The following NHSL1 variants were observed in gnomAD, a reference collection of about 807,000 sequenced individuals.
The protein encoded by NHSL1 is NHS like 1.
In NHSL1, 48 loss-of-function variants were observed where a neutral mutation model predicts 95.0. The observed-to-expected ratio is 0.51, with a 90% CI of 0.40 to 0.64. The LOEUF (loss-of-function observed/expected upper bound fraction) is 0.64, where lower values mean the gene tolerates loss of function less well. Among genes scored for constraint, NHSL1 ranks in the 30% least tolerant of loss-of-function variants. NHSL1 has a pLI of 0.00. For missense variants in NHSL1, 1,971 were observed against 2,077.7 expected (o/e 0.95, Z 1.00); for synonymous variants, 783 against 833.9 (o/e 0.94, Z 1.05).
chr6:138,447,432 A>C (rs1776935443), intron 3 of NHSL1, among the ~76,000 whole-genome samples: 1 of 152,128 alleles, frequency 6.6e-6, no homozygotes, highest in African/African-American at 2.4e-5. Context: ...GCTGACCCAC[A>C]AAATCTTTGA....
At chr6:138,441,927 G>T (rs989665324) in intron 5 of NHSL1, 56 bp downstream of exon 5, 2 of 1,474,298 alleles carry the variant, frequency 1.4e-6, no homozygotes, top group Non-Finnish European at 9.1e-7. Flanking sequence ...TGAGGTTAGC[G>T]CAGTAAGGCC....
chr6:138,540,317 T>C (rs1484323183), intron 1 of NHSL1, among the ~76,000 whole-genome samples: 1 of 152,238 alleles, frequency 6.6e-6, no homozygotes, highest in Non-Finnish European at 1.5e-5. Flanking sequence ...AGGGTTGCTT[T>C]GCATTTTGAT....
At chr6:138,503,916 A>T (rs1780820977), upstream of NHSL1, among the ~76,000 whole-genome samples, 1 of 152,090 alleles carries the variant, frequency 6.6e-6, no homozygotes, top group African/African-American at 2.4e-5. Context: ...CAGACAGGTA[A>T]ATTTAATCCC....
intron 1 of NHSL1, among the ~76,000 whole-genome samples, chr6:138,600,952 A>C (rs1784362820): frequency 6.6e-6 from 1 of 152,244 alleles, no homozygotes; most frequent in South Asian, 2.1e-4. Flanking sequence ...CTGCATTTCT[A>C]AATCATGTGT....
rs76159404 is a variant in NHSL1 at position 138,646,012 on chromosome 6, G to T, written c.96+46464C>A. 2.2e-3 allele frequency among the ~76,000 whole-genome samples: 342 copies of T among 152,268 alleles called. 1 individual carries two copies. The highest frequency in any genetic ancestry group is 7.6e-3 in the African/African-American group (317 of 41,562). The stretch of plus-strand genomic sequence containing the variant: ...GCCAACATTTCTTTATACTCTTTCA[G>T]GTGGGAGAAAAACTTAAATACAAGC... On this transcript the variant is annotated intron_variant, in intron 1 of 3. Transcript: ENST00000491526.
chr6:138,432,048 T>C lies in NHSL1; in HGVS notation c.2297A>G (p.Gln766Arg). Residue 766 changes from glutamine to arginine, a missense_variant, in exon 6 of 8, where the codon CAG (glutamine) becomes CGG (arginine). Gln to Arg is a conservative substitution (Grantham distance 43). This residue lies in a region of NHSL1 where 1,602 missense variants were observed against 1,654.5 expected (regional missense o/e 0.97). Transcript: ENST00000343505. This position sits in a 1 kb window ranked among gnomAD's most constrained non-coding sequence, Gnocchi z 4.4. The part of the protein sequence containing the change: ...VYSLCGATPS[Q>R]SDTSSVKSEY... Reference sequence around the variant, plus strand: ...TGACTTGACGCTGCTTGTGTCACTCTGCGATGGCGTGGCCCCGCACAGGGA... The same window carrying C: ...TGACTTGACGCTGCTTGTGTCACTCCGCGATGGCGTGGCCCCGCACAGGGA... 6.4e-7 allele frequency: 1 copy of C among 1,551,736 alleles called. No homozygotes were observed. Among genetic ancestry groups the C allele is most frequent in the Non-Finnish European group, 8.7e-7 (1 of 1,146,988 alleles).
intron 1 of NHSL1, among the ~76,000 whole-genome samples, chr6:138,660,035 T>C (rs1785207101): frequency 1.3e-5 from 2 of 152,182 alleles, no homozygotes; most frequent in Admixed American, 1.3e-4. Context: ...ACATCTTTTC[T>C]AAAACACCTG....
At chr6:138,578,248 G>A (rs770786666) in intron 1 of NHSL1, among the ~76,000 whole-genome samples, 7 of 152,164 alleles carry the variant, frequency 4.6e-5, no homozygotes, top group Non-Finnish European at 8.8e-5. Context: ...TGAAAAGGGC[G>A]AACAGATCTG....
chr6:138,504,272 C>G (rs983124557), upstream of NHSL1, among the ~76,000 whole-genome samples: 1 of 152,014 alleles, frequency 6.6e-6, no homozygotes, highest in African/African-American at 2.4e-5. Flanking sequence ...AGAGAGAGAA[C>G]GTATTCGCTG....
chr6:138,494,423 T>C (rs1486994085), intron 2 of NHSL1, among the ~76,000 whole-genome samples: 1 of 152,226 alleles, frequency 6.6e-6, no homozygotes, highest in Non-Finnish European at 1.5e-5. Flanking sequence ...GGAAAGTTTC[T>C]AATCATTGTG....
chr6:138,563,010 A>G (rs1227372801), intron 1 of NHSL1, among the ~76,000 whole-genome samples: 1 of 152,206 alleles, frequency 6.6e-6, no homozygotes, highest in Non-Finnish European at 1.5e-5. Context: ...TTAAACCAAA[A>G]GTTATTAAGT....
chr6:138,523,642 AAAAAAAAAAAC>A (rs1781781047), intron 1 of NHSL1, among the ~76,000 whole-genome samples: 1 of 150,758 alleles, frequency 6.6e-6, no homozygotes. Context: ...AAAAAAAAAA[AAAAAAAAAAAC>A]AGAGCTAAAA....
At chr6:138,497,127 T>C (rs1171985881) in intron 1 of NHSL1, among the ~76,000 whole-genome samples, 1 of 152,202 alleles carries the variant, frequency 6.6e-6, no homozygotes, top group Non-Finnish European at 1.5e-5. Flanking sequence ...GAGAGTAAGA[T>C]AAATCTCTAC....
At chr6:138,457,445 G>C (rs1335797644) in intron 3 of NHSL1, among the ~76,000 whole-genome samples, 1 of 152,094 alleles carries the variant, frequency 6.6e-6, no homozygotes, top group Non-Finnish European at 1.5e-5. Flanking sequence ...ATTAGCCAGA[G>C]TAAATAACCA....
chr6:138,680,159 T>C (rs1183608954), intron 1 of NHSL1, among the ~76,000 whole-genome samples: 2 of 152,232 alleles, frequency 1.3e-5, no homozygotes, highest in African/African-American at 4.8e-5. Context: ...TCAATGATTA[T>C]GTGTCTGAGT....
chr6:138,613,254 G>A (rs901262443), intron 1 of NHSL1, among the ~76,000 whole-genome samples: 5 of 152,174 alleles, frequency 3.3e-5, no homozygotes, highest in African/African-American at 1.2e-4. Flanking sequence ...TCTTGAGAAA[G>A]TTTTCACGGT....
In NHSL1 at chr6:138,479,465, C is replaced by A. The variant is rs376043601; in HGVS notation, c.212-6032G>T. On this transcript the variant is annotated intron_variant, in intron 2 of 7. Transcript: ENST00000343505. ...ACAGGCAATCTGATAACCAAGCTGG[C>A]TACAAACTGACTGATGGACGGGCAG... is the stretch of plus-strand genomic sequence containing the variant. 6.8e-4 allele frequency among the ~76,000 whole-genome samples: 104 copies of A among 152,280 alleles called. 2 individuals carry two copies. The South Asian group carries it at 0.021, about 31-fold the overall frequency.
intron 3 of NHSL1, among the ~76,000 whole-genome samples, chr6:138,466,996 GCC>G (rs1429671434): frequency 4.6e-5 from 7 of 151,926 alleles, no homozygotes; most frequent in African/African-American, 2.4e-5. Flanking sequence ...CTGCACTCCA[GCC>G]TGCGTGACAA....
chr6:138,505,556 G>A (rs1780914870), intron 1 of NHSL1, among the ~76,000 whole-genome samples: 1 of 151,112 alleles, frequency 6.6e-6, no homozygotes, highest in African/African-American at 2.4e-5. Context: ...TCGGGAGGCT[G>A]AGGCAGGAGA....
Sources: gnomAD v4.1 joint callset for allele counts (sites outside exome capture counted in the v4.1 genomes callset) on GRCh38, gnomAD v4.1.1 for gene constraint, gnomAD v4.1.1 regional missense constraint, Gnocchi (gnomAD v3.1) non-coding constraint, MANE v1.5 for transcripts, NCBI Gene and HGNC (gene_info 2026-07-23, HGNC 2026-07-21) for gene names.